The following ARHGEF3 variants were observed in gnomAD, a reference collection of about 807,000 sequenced individuals.
ARHGEF3 encodes Rho guanine nucleotide exchange factor 3, also known as 59.8 kDA protein.
ARHGEF3 carries 28 observed loss-of-function variants against 63.2 expected under a neutral mutation model. The ratio of observed to expected loss-of-function variants is 0.44; its 90% CI spans 0.33 to 0.61. The LOEUF is 0.61. ARHGEF3 is among the 20% of genes least tolerant of loss of function. The pLI is 0.03. For synonymous variants in ARHGEF3, 266 were observed against 254.2 expected (o/e 1.05, Z -0.44); for missense variants, 533 against 659.3 (o/e 0.81, Z 2.10).
chr3:56,844,088 C>T (rs1277325746), intron 4 of ARHGEF3, among the ~76,000 whole-genome samples: 1 of 152,198 alleles, frequency 6.6e-6, no homozygotes, highest in Non-Finnish European at 1.5e-5. Context: ...AAGCAGAGTA[C>T]CTGGCACTTT....
chr3:56,802,234 G>C (rs2037698163), upstream of ARHGEF3, among the ~76,000 whole-genome samples: 2 of 152,220 alleles, frequency 1.3e-5, no homozygotes, highest in African/African-American at 4.8e-5. Context: ...CACTCTCCGG[G>C]TGAAAGGCTG....
intron 4 of ARHGEF3, among the ~76,000 whole-genome samples, chr3:56,878,074 A>G (rs1017817423): frequency 9.2e-5 from 14 of 152,140 alleles, no homozygotes; most frequent in African/African-American, 3.4e-4. Flanking sequence ...ACATTACTTT[A>G]TCATTGGAGG....
At chr3:56,894,784 C>T (rs2041244604) in intron 3 of ARHGEF3, among the ~76,000 whole-genome samples, 1 of 152,114 alleles carries the variant, frequency 6.6e-6, no homozygotes, top group South Asian at 2.1e-4. Flanking sequence ...AAAAGAATTC[C>T]ACTCTTGGTA....
chr3:57,027,525 G>A (rs1036246490), intron 2 of ARHGEF3, among the ~76,000 whole-genome samples: 1 of 152,156 alleles, frequency 6.6e-6, no homozygotes, highest in Non-Finnish European at 1.5e-5. Flanking sequence ...AGGTGGGGTG[G>A]TGAGAAGGCT....
At chr3:56,959,033 A>C (rs1384074347) in intron 2 of ARHGEF3, 1 of 833,766 alleles carries the variant, frequency 1.2e-6, no homozygotes, top group Non-Finnish European at 1.9e-6. Context: ...ACAGCTCTGC[A>C]ATCTTCAGCA....
At chr3:56,827,944 C>CAAAAAA (rs11462683) in intron 4 of ARHGEF3, among the ~76,000 whole-genome samples, 3 of 33,816 alleles carry the variant, frequency 8.9e-5, no homozygotes, top group African/African-American at 4.2e-4. Context: ...GATTCTGTCT[C>CAAAAAA]AAAAAAAAAA....
intron 3 of ARHGEF3, among the ~76,000 whole-genome samples, chr3:56,888,945 G>T (rs566589713): frequency 2.6e-5 from 4 of 151,934 alleles, no homozygotes; most frequent in Admixed American, 2.0e-4. Flanking sequence ...AAATGACCAG[G>T]GGGTCCCTTT....
chr3:56,731,985 G>A (rs1683660914), intron 9 of ARHGEF3: 4 of 600,016 alleles, frequency 6.7e-6, no homozygotes, highest in Non-Finnish European at 1.2e-5. Flanking sequence ...TGTGCAGACA[G>A]TTTCACTTAG....
intron 4 of ARHGEF3, among the ~76,000 whole-genome samples, chr3:56,828,671 T>C (rs1257991405): frequency 2.6e-5 from 4 of 152,176 alleles, no homozygotes; most frequent in African/African-American, 9.6e-5. Flanking sequence ...AGAGTTGCCA[T>C]AGTTCTAAAA....
At chr3:56,973,448 G>T (rs1290765369) in intron 2 of ARHGEF3, among the ~76,000 whole-genome samples, 1 of 152,174 alleles carries the variant, frequency 6.6e-6, no homozygotes, top group Non-Finnish European at 1.5e-5. Flanking sequence ...AAAGGGCTAT[G>T]GGAAGAGCAG....
At chr3:56,732,162 T>C in intron 9 of ARHGEF3, 76 bp downstream of exon 9, 2 of 1,554,996 alleles carry the variant, frequency 1.3e-6, no homozygotes, top group Non-Finnish European at 8.8e-7. Context: ...CTTTTCTCTT[T>C]CCACCAGCTG....
chr3:56,907,660 A>T (rs886242335), intron 3 of ARHGEF3, among the ~76,000 whole-genome samples: 1 of 152,224 alleles, frequency 6.6e-6, no homozygotes, highest in Non-Finnish European at 1.5e-5. Context: ...AAAGTTGTAC[A>T]TATACACCAT....
intron 1 of ARHGEF3, among the ~76,000 whole-genome samples, chr3:57,072,048 G>A (rs1469504933): frequency 6.6e-6 from 1 of 152,176 alleles, no homozygotes; most frequent in Non-Finnish European, 1.5e-5. Context: ...TCTGGGAAAT[G>A]CAAATCAAAG....
intron 3 of ARHGEF3, among the ~76,000 whole-genome samples, chr3:56,922,603 A>G (rs1241615447): frequency 1.3e-5 from 2 of 152,234 alleles, no homozygotes; most frequent in Non-Finnish European, 2.9e-5. Context: ...TTAAAAATAT[A>G]TAACAAAAGC....
chr3:56,996,690 A>G (rs1206234257), intron 2 of ARHGEF3, among the ~76,000 whole-genome samples: 2 of 152,148 alleles, frequency 1.3e-5, no homozygotes, highest in African/African-American at 4.8e-5. Flanking sequence ...ATGTATTGCT[A>G]CAGCAGCTCA....
chr3:56,975,722 G>A (rs764458701), intron 2 of ARHGEF3: 5 of 390,982 alleles, frequency 1.3e-5, no homozygotes, highest in South Asian at 9.6e-5. Flanking sequence ...TGCAGAAGCA[G>A]CCACAACAGA....
In ARHGEF3 at chr3:56,773,751, G is replaced by A. The variant is rs753440030; in HGVS notation, c.162C>T (p.Pro54=). Residue 54 remains proline (P), a synonymous_variant, in exon 2 of 10, where the codon CCC becomes CCT. Coordinates refer to ENST00000296315, the MANE Select transcript of ARHGEF3 (RefSeq NM_019555.3). ...RVTSLANLIP[P]VKATPLKRFS... ...AGCGCTTTAATGGCGTGGCCTTCAC[G>A]GGCGGGATGAGGTTTGCTAGCGACG... is the stretch of plus-strand genomic sequence containing the variant. 23 of 1,601,292 alleles carry A rather than the reference G, an allele frequency of 1.4e-5. No homozygotes were observed. The highest frequency in any genetic ancestry group is 6.8e-5 in the African/African-American group (5 of 73,806).
chr3:57,038,582 T>C (rs1490599828), intron 1 of ARHGEF3, among the ~76,000 whole-genome samples: 1 of 152,156 alleles, frequency 6.6e-6, no homozygotes, highest in Admixed American at 6.5e-5. Context: ...TAGCTGGAAC[T>C]ACAGGTGCAC....
At chr3:56,936,559 A>G (rs1578883964) in intron 3 of ARHGEF3, among the ~76,000 whole-genome samples, 1 of 152,208 alleles carries the variant, frequency 6.6e-6, no homozygotes. Context: ...AGTAACCGGC[A>G]TCCCTTAGGA....
Sources: allele counts gnomAD v4.1 joint callset (sites outside exome capture counted in the v4.1 genomes callset), GRCh38; gene constraint gnomAD v4.1.1; transcripts MANE v1.5; gene names NCBI Gene and HGNC (gene_info 2026-07-23, HGNC 2026-07-21).